The following ABTB1 variants were observed in gnomAD, a reference collection of about 807,000 sequenced individuals.
The protein encoded by ABTB1 is ankyrin repeat and BTB/POZ domain-containing protein 1.
A neutral mutation model predicts 57.1 loss-of-function variants in ABTB1; 45 were observed. The ratio of observed to expected loss-of-function variants is 0.79; its 90% confidence interval spans 0.62 to 1.01. The LOEUF (loss-of-function observed/expected upper bound fraction) is 1.01, where lower values mean the gene tolerates loss of function less well. Ranked by LOEUF, ABTB1 falls within the 50% of genes least tolerant of loss-of-function variation. ABTB1 has a pLI of 0.00. For missense variants in ABTB1, 630 were observed against 666.3 expected (o/e 0.95, Z 0.60); for synonymous variants, 302 against 275.4 (o/e 1.10, Z -0.95).
intron 3 of ABTB1, among the ~76,000 whole-genome samples, chr3:127,674,987 C>T (rs1381244837): frequency 6.6e-6 from 1 of 152,172 alleles, no homozygotes; most frequent in African/African-American, 2.4e-5. Flanking sequence ...ACAGGGTCTG[C>T]CCTCCCACTG....
chr3:127,676,458 G>T lies in ABTB1; in HGVS notation c.480+27G>T, dbSNP rs767561027. On this transcript the variant is annotated intron_variant, in intron 5 of 11. Transcript: ENST00000232744. The surrounding 1 kb of genome is among the most constrained non-coding windows in gnomAD (Gnocchi z 5.4). Reference sequence around the variant, plus strand: ...TATGTCCCTTCAGGGTGGCAGAGGGGCATGAACTGTCCAGGAACAGCAGGA... The same window carrying T: ...TATGTCCCTTCAGGGTGGCAGAGGGTCATGAACTGTCCAGGAACAGCAGGA... The T allele has an allele frequency of 5.6e-6, 9 of 1,613,960 alleles. No homozygotes were observed. In the East Asian group the frequency reaches 1.1e-4, roughly 20 times the overall value.
chr3:127,673,158 T>A (rs1426555452), intron 1 of ABTB1, 77 bp downstream of exon 1: 21 of 1,367,550 alleles, frequency 1.5e-5, no homozygotes, highest in Non-Finnish European at 1.9e-5. Flanking sequence ...GACGGGCGGC[T>A]GGGCGGCCGC....
At chr3:127,675,225 C>T (rs979545120) in intron 3 of ABTB1, among the ~76,000 whole-genome samples, 3 of 151,594 alleles carry the variant, frequency 2.0e-5, no homozygotes, top group Non-Finnish European at 4.4e-5. Flanking sequence ...CATGACTTCC[C>T]TTCATTCAGT....
intron 3 of ABTB1, 105 bp from the exon 4 acceptor site, chr3:127,675,865 A>C: frequency 2.7e-6 from 4 of 1,461,470 alleles, no homozygotes; most frequent in Non-Finnish European, 3.7e-6. Flanking sequence ...AGGCATCGCC[A>C]GAGATTCGGA....
intron 3 of ABTB1, 169 bp from the exon 4 acceptor site, chr3:127,675,801 T>C (rs2074967415): frequency 1.2e-6 from 1 of 839,020 alleles, no homozygotes; most frequent in Non-Finnish European, 1.8e-6. Context: ...CCCATTCGCC[T>C]AGCCCTTGAC....
In ABTB1 at chr3:127,676,067, C is replaced by CACTG. The variant is rs2074975056; in HGVS notation, c.275_276insTGAC (p.Ala93AspfsTer11). 1 of 1,613,234 alleles carries CACTG rather than the reference C, an allele frequency of 6.2e-7. No individual in the cohort carries two copies. The highest frequency in any genetic ancestry group is 1.3e-5 in the African/African-American group (1 of 74,908). On this transcript the variant is annotated frameshift_variant, in exon 4 of 12. Transcript: ENST00000232744. LOFTEE classifies it high-confidence loss of function. This position sits in a 1 kb window ranked among gnomAD's most constrained non-coding sequence, Gnocchi z 5.4. Reference sequence around the variant, plus strand: ...GGGCTCTACGCGATTACAAGCAGGTCACGGCTTCCTGCAGGAGGCGGGATT... The same window carrying CACTG: ...GGGCTCTACGCGATTACAAGCAGGTCACTGACGGCTTCCTGCAGGAGGCGGGATT...
In ABTB1 at chr3:127,673,011, A is replaced by G. The variant is rs1324203294; in HGVS notation, c.-15A>G. 16 of 1,558,122 alleles carry G rather than the reference A, an allele frequency of 1.0e-5. No homozygotes were observed. The highest frequency in any genetic ancestry group is 1.3e-5 in the Non-Finnish European group (15 of 1,151,960). On this transcript the variant is annotated 5_prime_UTR_variant, in exon 1 of 12. Coordinates refer to ENST00000232744, the MANE Select transcript of ABTB1 (RefSeq NM_172027.3). ...CCGCCCGAGGTCGTTCGGCTCGGGT[A>G]CCATCCTCCGCGCCATGGACACCAG... is the stretch of plus-strand genomic sequence containing the variant.
intron 1 of ABTB1, 144 bp from the exon 2 acceptor site, chr3:127,674,247 C>G (rs2074922195): frequency 9.4e-7 from 1 of 1,062,058 alleles, no homozygotes; most frequent in African/African-American, 1.6e-5. Context: ...GCCTCTCCTG[C>G]TCTGGTCTGC....
At position 127,677,447 on chromosome 3, in the gene ABTB1, A is replaced by T; in HGVS notation, c.763-18A>T. 6.2e-7 allele frequency: 1 copy of T among 1,612,712 alleles called. No homozygotes were observed. The highest frequency in any genetic ancestry group is 8.5e-7 in the Non-Finnish European group (1 of 1,178,906). On this transcript the variant is annotated intron_variant, in intron 8 of 11. Transcript: ENST00000232744. ...TGTGAACAACTGCTCTGATGGGGTC[A>T]CCTCTTCTGTACCCCAGGGTGATCT... is the stretch of plus-strand genomic sequence containing the variant.
chr3:127,676,095 T>C lies in ABTB1; in HGVS notation c.301T>C (p.Tyr101His). The change falls in exon 4 of 12, where the codon TAT becomes CAT. Residue 101 changes from tyrosine to histidine, a missense_variant. By Grantham distance (83) the Tyr-to-His change is moderately conservative (BLOSUM62 2). Around this residue, in one of 3 missense-constraint regions of ABTB1, gnomAD observed 579 missense variants for 585.9 expected, o/e 0.99. Coordinates refer to ENST00000232744, the MANE Select transcript of ABTB1 (RefSeq NM_172027.3). The surrounding 1 kb of genome is among the most constrained non-coding windows in gnomAD (Gnocchi z 5.4). ...VTASCRRRDY[Y>H]DDFLQRLLEQ... ...GGCTTCCTGCAGGAGGCGGGATTAC[T>C]ATGACGACTTCTTGCAGCGGTGAGC... 6.2e-7 allele frequency: 1 copy of C among 1,613,312 alleles called. No individual in the cohort carries two copies. The highest frequency in any genetic ancestry group is 8.5e-7 in the Non-Finnish European group (1 of 1,179,988).
At chr3:127,678,730 T>C (rs1484770830) in intron 10 of ABTB1, 1 of 152,320 alleles carries the variant, frequency 6.6e-6, no homozygotes, top group Non-Finnish European at 1.5e-5. Context: ...AAACTCATGC[T>C]CTAGGAGGAA....
At chr3:127,673,347 A>G (rs908373978) in intron 1 of ABTB1, 1 of 294,088 alleles carries the variant, frequency 3.4e-6, no homozygotes. Context: ...GAAGGCGCAG[A>G]AGTGGGCGGA....
In ABTB1 at chr3:127,676,192, C is replaced by A; in HGVS notation, c.320+78C>A. On this transcript the variant is annotated intron_variant, in intron 4 of 11. Transcript: ENST00000232744. The surrounding 1 kb of genome is among the most constrained non-coding windows in gnomAD (Gnocchi z 5.4). ...TGTGGCGAGTCTGCTCTGACTGTGG[C>A]CTGCACTGGGTTCTGAGTGCTCCGA... 1 of 1,605,626 alleles carries A rather than the reference C, an allele frequency of 6.2e-7. No homozygotes were observed. Among genetic ancestry groups the A allele is most frequent in the South Asian group, 1.1e-5 (1 of 90,792 alleles).
intron 10 of ABTB1, 27 bp from the exon 11 acceptor site, chr3:127,679,958 G>C: frequency 6.2e-7 from 1 of 1,609,690 alleles, no homozygotes; most frequent in Non-Finnish European, 8.5e-7. Context: ...ACCTCGGGGG[G>C]CACCTTCATC....
intron 1 of ABTB1, 27 bp downstream of exon 1, chr3:127,673,108 G>C: frequency 6.6e-7 from 1 of 1,516,480 alleles, no homozygotes; most frequent in East Asian, 2.8e-5. Context: ...CCCGGGGAGG[G>C]TGCGGGAGGT....
At position 127,677,711 on chromosome 3, in the gene ABTB1, C is replaced by T. The variant is rs1453309359; in HGVS notation, c.897C>T (p.Ala299=). ...FFCGRSDYFR[A]LLDDHFRESE... Reference sequence around the variant, plus strand: ...GTGGCCGCAGTGACTACTTCCGAGCCCTGCTGGATGACCACTTCCGAGAGA... The same window carrying T: ...GTGGCCGCAGTGACTACTTCCGAGCTCTGCTGGATGACCACTTCCGAGAGA... The change falls in exon 10 of 12, where the codon GCC becomes GCT. Residue 299 remains alanine (A), a synonymous_variant. Coordinates refer to ENST00000232744, the MANE Select transcript of ABTB1 (RefSeq NM_172027.3). The T allele has an allele frequency of 1.2e-6, 2 of 1,609,652 alleles. No individual in the cohort carries two copies. Among genetic ancestry groups the T allele is most frequent in the Admixed American group, 1.7e-5 (1 of 59,246 alleles).
chr3:127,674,652 C>T (rs145860347), intron 3 of ABTB1, 52 bp downstream of exon 3: 284 of 1,604,750 alleles, frequency 1.8e-4, no homozygotes, highest in East Asian at 9.4e-4. Flanking sequence ...TGCATGTGTG[C>T]GTGTGGGTGC....
chr3:127,675,152 C>T (rs946961309), intron 3 of ABTB1, among the ~76,000 whole-genome samples: 1 of 152,186 alleles, frequency 6.6e-6, no homozygotes, highest in African/African-American at 2.4e-5. Flanking sequence ...TGCAAACGTT[C>T]ACATGGCCCA....
chr3:127,677,118 G>A, intron 7 of ABTB1, 35 bp downstream of exon 7: 2 of 1,613,470 alleles, frequency 1.2e-6, no homozygotes, highest in Non-Finnish European at 1.7e-6. Flanking sequence ...GGCCATGGGT[G>A]CGGCCTGGCA....
Sources: allele counts gnomAD v4.1 joint callset (sites outside exome capture counted in the v4.1 genomes callset), GRCh38; gene constraint gnomAD v4.1.1; regional missense constraint gnomAD v4.1.1; non-coding constraint Gnocchi (gnomAD v3.1); transcripts MANE v1.5; gene names NCBI Gene and HGNC (gene_info 2026-07-23, HGNC 2026-07-21).